LINS1: variants seen among roughly 807,000 people sequenced by gnomAD.
The protein encoded by LINS1 is protein Lines homolog 1.
LINS1 carries 27 observed loss-of-function variants against 41.6 expected under a neutral mutation model. That is an observed-to-expected ratio of 0.65 (90% CI 0.48 to 0.89). The LOEUF (loss-of-function observed/expected upper bound fraction) is 0.89, where lower values mean the gene tolerates loss of function less well. Among genes scored for constraint, LINS1 ranks in the 40% least tolerant of loss-of-function variants. LINS1 has a pLI of 0.00. For synonymous variants in LINS1, 336 were observed against 312.9 expected (o/e 1.07, Z -0.78); for missense variants, 955 against 884.1 (o/e 1.08, Z -1.02).
intron 1 of LINS1, among the ~76,000 whole-genome samples, chr15:100,599,574 C>T (rs940570297): frequency 6.6e-6 from 1 of 152,194 alleles, no homozygotes; most frequent in African/African-American, 2.4e-5. Flanking sequence ...ACTTAACTAT[C>T]ATTTAGCAAA....
chr15:100,591,191 G>A (rs755559985), intron 1 of LINS1, among the ~76,000 whole-genome samples: 111 of 152,076 alleles, frequency 7.3e-4, no homozygotes, highest in Middle Eastern at 3.4e-3. Context: ...AAATAAAATA[G>A]GAAAAAAAAT....
intron 3 of LINS1, among the ~76,000 whole-genome samples, chr15:100,578,105 T>A (rs972091853): frequency 1.3e-5 from 2 of 152,120 alleles, no homozygotes; most frequent in Non-Finnish European, 2.9e-5. Flanking sequence ...ATTCAGGACA[T>A]AGGCATGGGC....
intron 1 of LINS1, among the ~76,000 whole-genome samples, chr15:100,582,602 CAT>C (rs2038605614): frequency 7.8e-5 from 9 of 115,410 alleles, no homozygotes; most frequent in East Asian, 3.3e-4. Context: ...CCATCTACAA[CAT>C]GGCCCACTAG....
rs536131195 is a variant in LINS1 at position 100,577,843 on chromosome 15, A to G, written c.489+2420T>C. ...AAACAGAGATACAGACCAATGGAAC[A>G]GAACAGAGCCCTCAGAAATAATGCC... On this transcript the variant is annotated intron_variant, in intron 3 of 6. Coordinates refer to ENST00000314742, the MANE Select transcript of LINS1 (RefSeq NM_001040616.3). Among the ~76,000 whole-genome samples, 7 of 152,326 alleles carry G rather than the reference A, an allele frequency of 4.6e-5. No individual in the cohort carries two copies. In the South Asian group the frequency reaches 1.5e-3, roughly 32 times the overall value.
chr15:100,599,790 G>A (rs565097361), intron 1 of LINS1, among the ~76,000 whole-genome samples: 60 of 152,274 alleles, frequency 3.9e-4, no homozygotes, highest in African/African-American at 1.4e-3. Context: ...TTGAGGCTGG[G>A]TGCAGTGGCT....
Position 100,569,759 on chromosome 15 carries a change from C to T in LINS1, c.1753G>A (p.Asp585Asn). 1 of 1,613,872 alleles carries T rather than the reference C, an allele frequency of 6.2e-7. No homozygotes were observed. The highest frequency in any genetic ancestry group is 1.7e-5 in the Admixed American group (1 of 59,994). ...GCCCAGGAGTGCCGAGCACACACAT[C>T]TCTGTGACTATGAGGAGCAGTCAAA... ...HRLTAPHSHR[D>N]VCARHSWASD... Residue 585 changes from aspartate (D) to asparagine (N), a missense_variant, in exon 7 of 7, where the codon GAT (aspartate) becomes AAT (asparagine). Physicochemically the swap from Asp to Asn is conservative, Grantham distance 23. Coordinates refer to ENST00000314742, the MANE Select transcript of LINS1 (RefSeq NM_001040616.3).
intron 1 of LINS1, among the ~76,000 whole-genome samples, chr15:100,589,952 C>T (rs1169043416): frequency 1.3e-5 from 2 of 152,120 alleles, no homozygotes; most frequent in African/African-American, 4.8e-5. Context: ...ATTAGATCTT[C>T]TGAGAACATT....
intron 1 of LINS1, among the ~76,000 whole-genome samples, 164 bp downstream of exon 1, chr15:100,601,957 C>T (rs1233670129): frequency 6.6e-6 from 1 of 152,190 alleles, no homozygotes; most frequent in Non-Finnish European, 1.5e-5. Context: ...AGACCGGGCA[C>T]TTGCGTCTGA....
intron 1 of LINS1, among the ~76,000 whole-genome samples, chr15:100,585,477 G>A (rs2038760296): frequency 6.6e-6 from 1 of 152,186 alleles, no homozygotes; most frequent in Non-Finnish European, 1.5e-5. Flanking sequence ...GAACTGTTTG[G>A]ACCCAGTGTC....
chr15:100,592,964 G>A (rs1341168613), intron 1 of LINS1, among the ~76,000 whole-genome samples: 1 of 152,200 alleles, frequency 6.6e-6, no homozygotes, highest in Non-Finnish European at 1.5e-5. Flanking sequence ...TAAAGCAATT[G>A]TGGTATTAAA....
rs1467553865 is a variant in LINS1, at chr15:100,569,234, TG to T, written c.*3del. 1 of 1,557,912 alleles carries T rather than the reference TG, an allele frequency of 6.4e-7. No homozygotes were observed. The highest frequency in any genetic ancestry group is 8.8e-7 in the Non-Finnish European group (1 of 1,130,618). On this transcript the variant is annotated 3_prime_UTR_variant, in exon 7 of 7. Transcript: ENST00000314742. ...CAATACCTGGAAAATAAAATGTCAA[TG>T]TTTTACAAAGTGTTCATAGTTTTAT... is the stretch of plus-strand genomic sequence containing the variant.
chr15:100,588,914 G>C (rs1185556283), intron 1 of LINS1, among the ~76,000 whole-genome samples: 1 of 152,140 alleles, frequency 6.6e-6, no homozygotes, highest in Non-Finnish European at 1.5e-5. Context: ...AGGTGATTAG[G>C]CCTCCTAAAT....
Position 100,574,159 on chromosome 15 carries a change from G to A in LINS1, c.714C>T (p.Asn238=), listed in dbSNP as rs2038017643. ...TTACTATTTTAGAAGTATCCCGGCA[G>A]TTTTCAAAATGCTGAGAGAATAAGG... is the stretch of plus-strand genomic sequence containing the variant. ...YNSLFSQHFE[N]CRDTSKIVNI... Residue 238 remains asparagine, a synonymous_variant, in exon 5 of 7, where the codon AAC becomes AAT. Transcript: ENST00000314742. The A allele has an allele frequency of 6.2e-7, 1 of 1,613,808 alleles. No individual in the cohort carries two copies. Among genetic ancestry groups the A allele is most frequent in the Non-Finnish European group, 8.5e-7 (1 of 1,179,724 alleles).
At chr15:100,591,658 T>C (rs1268299700) in intron 1 of LINS1, among the ~76,000 whole-genome samples, 2 of 152,178 alleles carry the variant, frequency 1.3e-5, no homozygotes, top group Non-Finnish European at 2.9e-5. Flanking sequence ...AGGTATCCAC[T>C]CCCTGAAGTT....
rs1596890985 is a variant in LINS1 at position 100,574,123 on chromosome 15, C to T, written c.750G>A (p.Met250Ile). The T allele has an allele frequency of 1.9e-6, 3 of 1,613,886 alleles. No homozygotes were observed. Among genetic ancestry groups the T allele is most frequent in the Non-Finnish European group, 1.7e-6 (2 of 1,179,752 alleles). Residue 250 changes from methionine (M) to isoleucine (I), a missense_variant, in exon 5 of 7, where the codon ATG becomes ATA. Physicochemically the swap from Met to Ile is conservative, Grantham distance 10. Coordinates refer to ENST00000314742, the MANE Select transcript of LINS1 (RefSeq NM_001040616.3). ...GAAGCTCAAGCAAATCCAGGAAACACATCAGGATGTTTACTATTTTAGAAG... is the reference window on the plus strand; with the variant it reads ...GAAGCTCAAGCAAATCCAGGAAACATATCAGGATGTTTACTATTTTAGAAG... ...RDTSKIVNIL[M>I]CFLDLLELLI... is the part of the protein sequence containing the mutation.
intron 5 of LINS1, 21 bp from the exon 6 acceptor site, chr15:100,572,086 A>C: frequency 1.2e-6 from 2 of 1,613,804 alleles, no homozygotes; most frequent in South Asian, 1.1e-5. Context: ...TGAAAATTTC[A>C]AAGTGTAGGC....
intron 1 of LINS1, among the ~76,000 whole-genome samples, chr15:100,590,781 T>G (rs1298311092): frequency 6.6e-6 from 1 of 152,216 alleles, no homozygotes; most frequent in Non-Finnish European, 1.5e-5. Flanking sequence ...AGGCTCTTTA[T>G]CTAGCTCATT....
rs757628641 is a variant in LINS1, at chr15:100,570,969, AGGAGT to A, written c.1395-857_1395-853del. Among the ~76,000 whole-genome samples, 52 of 152,328 alleles carry A rather than the reference AGGAGT, an allele frequency of 3.4e-4. No individual in the cohort carries two copies. The Middle Eastern group carries it at 0.014, about 40-fold the overall frequency. ...TTCATTCAGGGGTTTCCACTTCCTG[AGGAGT>A]AAGGAGCTAACTTTGAGTACAATTA... On this transcript the variant is annotated intron_variant, in intron 6 of 6. Coordinates refer to ENST00000314742, the MANE Select transcript of LINS1 (RefSeq NM_001040616.3).
intron 1 of LINS1, among the ~76,000 whole-genome samples, chr15:100,587,578 T>C (rs889339067): frequency 1.3e-5 from 2 of 152,196 alleles, no homozygotes; most frequent in Non-Finnish European, 2.9e-5. Context: ...TGCATATATA[T>C]AAAACCATGA....
Sources: allele counts gnomAD v4.1 joint callset (sites outside exome capture counted in the v4.1 genomes callset), GRCh38; gene constraint gnomAD v4.1.1; transcripts MANE v1.5; gene names NCBI Gene and HGNC (gene_info 2026-07-23, HGNC 2026-07-21).